The following RBMS3 variants were observed in gnomAD, a reference collection of about 807,000 sequenced individuals.
The protein encoded by RBMS3 is RNA-binding motif, single-stranded-interacting protein 3.
In RBMS3, 27 loss-of-function variants were observed where a neutral mutation model predicts 66.8. The ratio of observed to expected loss-of-function variants is 0.40; its 90% CI spans 0.30 to 0.56. The LOEUF (loss-of-function observed/expected upper bound fraction) is 0.56, where lower values mean the gene tolerates loss of function less well. Ranked by LOEUF, RBMS3 falls within the 20% of genes least tolerant of loss-of-function variation. RBMS3 has a pLI of 0.40. For missense variants in RBMS3, 513 were observed against 549.5 expected, an observed-to-expected ratio of 0.93 and a Z score of 0.66; for synonymous variants, 188 against 183.0, an observed-to-expected ratio of 1.03 and a Z score of -0.22.
At chr3:29,441,886 T>A (rs2041634254) in intron 2 of RBMS3, among the ~76,000 whole-genome samples, 1 of 152,206 alleles carries the variant, frequency 6.6e-6, no homozygotes, top group Admixed American at 6.5e-5. Flanking sequence ...GCTCTAGCAA[T>A]TTCATGGGAC....
chr3:29,290,317 G>C (rs749042777), intron 1 of RBMS3, among the ~76,000 whole-genome samples: 5 of 151,850 alleles, frequency 3.3e-5, no homozygotes, highest in Non-Finnish European at 7.4e-5. Context: ...GACATTATTT[G>C]CTAATAATTA....
chr3:29,326,081 A>T (rs569277315), intron 1 of RBMS3, among the ~76,000 whole-genome samples: 17 of 152,250 alleles, frequency 1.1e-4, no homozygotes, highest in African/African-American at 4.1e-4. Flanking sequence ...TTTTTTTCCT[A>T]AGAAGTCATT....
At chr3:29,736,735 G>T (rs2054395800) in intron 4 of RBMS3, among the ~76,000 whole-genome samples, 1 of 152,122 alleles carries the variant, frequency 6.6e-6, no homozygotes, top group African/African-American at 2.4e-5. Flanking sequence ...TAAGAAAGTT[G>T]TTCATTTCTC....
intron 3 of RBMS3, among the ~76,000 whole-genome samples, chr3:29,571,667 G>A (rs1210038386): frequency 6.6e-6 from 1 of 152,054 alleles, no homozygotes; most frequent in Admixed American, 6.6e-5. Context: ...TGCTGTTTTG[G>A]TTACTATAGC....
intron 5 of RBMS3, among the ~76,000 whole-genome samples, chr3:29,757,961 G>A (rs1015628366): frequency 7.2e-5 from 11 of 152,090 alleles, no homozygotes; most frequent in South Asian, 2.1e-4. Context: ...TCTGATCTGC[G>A]ATAATTTCTT....
At chr3:29,497,198 A>G (rs1160472370) in intron 3 of RBMS3, among the ~76,000 whole-genome samples, 1 of 151,858 alleles carries the variant, frequency 6.6e-6, no homozygotes, top group African/African-American at 2.4e-5. Flanking sequence ...TTTAGTAGAG[A>G]CGGGGTTTCA....
intron 4 of RBMS3, among the ~76,000 whole-genome samples, chr3:29,649,179 C>A (rs2050053702): frequency 6.6e-6 from 1 of 151,972 alleles, no homozygotes; most frequent in African/African-American, 2.4e-5. Flanking sequence ...TTTTAATTTG[C>A]AAATTTATTT....
At chr3:29,843,235 C>A (rs896635823) in intron 6 of RBMS3, among the ~76,000 whole-genome samples, 1 of 152,096 alleles carries the variant, frequency 6.6e-6, no homozygotes, top group African/African-American at 2.4e-5. Flanking sequence ...GTCACGAGAA[C>A]GTAAATACAT....
intron 2 of RBMS3, among the ~76,000 whole-genome samples, chr3:29,438,028 TTCTCTC>T (rs34431369): frequency 0.011 from 1,604 of 142,536 alleles, 27 homozygotes; most frequent in African/African-American, 0.037. Flanking sequence ...CCTTGCTTGT[TTCTCTC>T]TCTCTCTCTC....
At chr3:29,375,032 A>G (rs998603738) in intron 1 of RBMS3, among the ~76,000 whole-genome samples, 1 of 152,228 alleles carries the variant, frequency 6.6e-6, no homozygotes, top group Non-Finnish European at 1.5e-5. Flanking sequence ...ATGGCACAGA[A>G]TAGAGAACTC....
chr3:29,285,318 A>T (rs1012729330), intron 1 of RBMS3, among the ~76,000 whole-genome samples: 1 of 151,924 alleles, frequency 6.6e-6, no homozygotes, highest in African/African-American at 2.4e-5. Flanking sequence ...TAGGTAAGCT[A>T]AAAAGAAGAA....
At chr3:29,805,193 A>T (rs77624184) in intron 6 of RBMS3, among the ~76,000 whole-genome samples, 3,890 of 152,080 alleles carry the variant, frequency 0.026, 72 homozygotes, top group East Asian at 0.14. Context: ...ACTAACACTG[A>T]AGTCATCCTA....
intron 4 of RBMS3, chr3:29,730,835 A>C: frequency 4.1e-6 from 4 of 970,564 alleles, no homozygotes; most frequent in Non-Finnish European, 3.7e-6. Flanking sequence ...TATTAAAATA[A>C]AACTATAGAG....
chr3:29,718,672 GA>G (rs930876305), intron 4 of RBMS3, among the ~76,000 whole-genome samples: 3 of 152,090 alleles, frequency 2.0e-5, no homozygotes, highest in African/African-American at 7.2e-5. Context: ...TGCAGCTTTG[GA>G]AAAAGCAGGG....
chr3:29,457,154 A>C (rs1390438618), intron 2 of RBMS3, among the ~76,000 whole-genome samples: 1 of 152,124 alleles, frequency 6.6e-6, no homozygotes, highest in Non-Finnish European at 1.5e-5. Flanking sequence ...GACATCTTCT[A>C]CACCTCCCTT....
chr3:29,502,329 C>T (rs1200447339), intron 3 of RBMS3, among the ~76,000 whole-genome samples: 1 of 152,034 alleles, frequency 6.6e-6, no homozygotes, highest in Non-Finnish European at 1.5e-5. Flanking sequence ...GTCATCCAAA[C>T]CTAAGTCTGT....
At chr3:29,771,026 A>G (rs2149394926) in intron 6 of RBMS3, among the ~76,000 whole-genome samples, 1 of 152,124 alleles carries the variant, frequency 6.6e-6, no homozygotes, top group African/African-American at 2.4e-5. Flanking sequence ...TTTTAGAATG[A>G]TCTAATTTTT....
At chr3:29,783,561 T>A (rs1286189593) in intron 6 of RBMS3, among the ~76,000 whole-genome samples, 1 of 151,940 alleles carries the variant, frequency 6.6e-6, no homozygotes, top group Non-Finnish European at 1.5e-5. Context: ...AATCTTGAAA[T>A]AAACCCCTCA....
intron 5 of RBMS3, among the ~76,000 whole-genome samples, chr3:29,744,939 T>C (rs923998075): frequency 2.0e-5 from 3 of 152,212 alleles, no homozygotes; most frequent in African/African-American, 7.2e-5. Flanking sequence ...AATGTTACTA[T>C]TGGTGACTTC....
Sources: allele counts gnomAD v4.1 joint callset (sites outside exome capture counted in the v4.1 genomes callset), GRCh38; gene constraint gnomAD v4.1.1; transcripts MANE v1.5; gene names NCBI Gene and HGNC (gene_info 2026-07-23, HGNC 2026-07-21).